The following CALM3 variants were observed in gnomAD, a reference collection of about 807,000 sequenced individuals.
CALM3 encodes calmodulin-3.
CALM3 carries 5 observed loss-of-function variants against 20.1 expected under a neutral mutation model. The observed-to-expected ratio is 0.25, with a 90% CI of 0.13 to 0.52. The LOEUF (loss-of-function observed/expected upper bound fraction) is 0.52, where lower values mean the gene tolerates loss of function less well. Among genes scored for constraint, CALM3 ranks in the 20% least tolerant of loss-of-function variants. The pLI, the probability that CALM3 is intolerant of heterozygous loss-of-function variation, is 0.96. For missense variants in CALM3, 57 were observed against 192.8 expected (o/e 0.30, Z 4.17); for synonymous variants, 69 against 68.1 (o/e 1.01, Z -0.06).
At chr19:46,601,155 C>T (rs1204903046), upstream of CALM3, 20 of 590,704 alleles carry the variant, frequency 3.4e-5, no homozygotes, top group South Asian at 1.3e-4. This position sits in a 1 kb window ranked among gnomAD's most constrained non-coding sequence, Gnocchi z 4.2. Flanking sequence ...AGGGTGGGGA[C>T]GAGAGATTCG....
rs897608622 is a variant in CALM3, at chr19:46,601,944, C to T, written c.3+507C>T. 3.4e-5 allele frequency: 13 copies of T among 383,314 alleles called. No homozygotes were observed. Among genetic ancestry groups the T allele is most frequent in the Middle Eastern group, 1.0e-3 (1 of 1,004 alleles). 23.7% of individuals were successfully genotyped at this position (383,314 alleles called of 1,614,324 possible). ...TGGGGTGGTGGAGGGTAGCTGGGCC[C>T]GGGCGGGGAGGGGCGACCCCTGGGC... On this transcript the variant is annotated intron_variant, in intron 1 of 5. Transcript: ENST00000291295. This position sits in a 1 kb window ranked among gnomAD's most constrained non-coding sequence, Gnocchi z 4.2.
chr19:46,604,022 G>A (rs1216378527), intron 1 of CALM3, among the ~76,000 whole-genome samples: 1 of 152,254 alleles, frequency 6.6e-6, no homozygotes, highest in East Asian at 1.9e-4. Flanking sequence ...GGGCGGAACA[G>A]TGGGCTGGGA....
rs879785123 is a variant in CALM3 at position 46,609,355 on chromosome 19, C to G, written c.*202C>G. The G allele has an allele frequency of 1.3e-5, 8 of 622,298 alleles. No homozygotes were observed. The highest frequency in any genetic ancestry group is 3.9e-5 in the South Asian group (2 of 51,428). The allele number at this position is 622,298 out of a possible 1,614,324, so 38.5% of individuals were successfully genotyped here. Reference sequence around the variant, plus strand: ...CTTCCCTGAGTCTCTCTCCATGCCCCTCATCTCTTCCTTTTGCCCTCGCCT... The same window carrying G: ...CTTCCCTGAGTCTCTCTCCATGCCCGTCATCTCTTCCTTTTGCCCTCGCCT... On this transcript the variant is annotated 3_prime_UTR_variant, in exon 6 of 6. Coordinates refer to ENST00000291295, the MANE Select transcript of CALM3 (RefSeq NM_005184.4).
rs1971796840 is a variant in CALM3, at chr19:46,608,647, C to T, written c.285+59C>T. On this transcript the variant is annotated intron_variant, in intron 4 of 5. Transcript: ENST00000291295. The surrounding 1 kb of genome is among the most constrained non-coding windows in gnomAD (Gnocchi z 5.5). ...TGACGCCAGCCTTCAGGCAGACAGG[C>T]GGAACTGGAGCCACGGAGCTACCAC... 1.5e-5 allele frequency: 22 copies of T among 1,451,168 alleles called. No homozygotes were observed. Among genetic ancestry groups the T allele is most frequent in the East Asian group, 6.9e-5 (3 of 43,452 alleles). The allele number at this position is 1,451,168 out of a possible 1,614,324, so 89.9% of individuals were successfully genotyped here. A position where few individuals can be genotyped will look rare whatever the true frequency, so the allele number is the denominator to read the frequency against.
In CALM3 at chr19:46,605,869, A is replaced by G. The variant is rs747374745; in HGVS notation, c.34+12A>G. 6.2e-7 allele frequency: 1 copy of G among 1,613,476 alleles called. No homozygotes were observed. The highest frequency in any genetic ancestry group is 8.5e-7 in the Non-Finnish European group (1 of 1,179,388). On this transcript the variant is annotated intron_variant, in intron 2 of 5. Transcript: ENST00000291295. This position sits in a 1 kb window ranked among gnomAD's most constrained non-coding sequence, Gnocchi z 4.1. ...GGAGCAGATTGCAGGTGAGTCTGCT[A>G]TCCCCCTCATCTTAGCTCAGGAAAG...
rs1218876446 is a variant in CALM3, at chr19:46,608,460, C to T, written c.179-22C>T. The T allele has an allele frequency of 1.2e-6, 2 of 1,611,130 alleles. No individual in the cohort carries two copies. Among genetic ancestry groups the T allele is most frequent in the Non-Finnish European group, 8.5e-7 (1 of 1,177,238 alleles). On this transcript the variant is annotated intron_variant, in intron 3 of 5. Transcript: ENST00000291295. This position sits in a 1 kb window ranked among gnomAD's most constrained non-coding sequence, Gnocchi z 5.5. ...TCAGGGCCCAGGCCAAGAGCATTCT[C>T]CATCCTTTCCCCACCTTCCAGGGAA...
rs1971624080 is a variant in CALM3 at position 46,601,826 on chromosome 19, T to TG, written c.3+393dup. ...AGGGGACGAAATAAGAAAGATGGGCTGGGGAGGGGAGCTATTCGGGCCCTG... is the reference window on the plus strand; with the variant it reads ...AGGGGACGAAATAAGAAAGATGGGCTGGGGGAGGGGAGCTATTCGGGCCCTG... On this transcript the variant is annotated intron_variant, in intron 1 of 5. Transcript: ENST00000291295. The surrounding 1 kb of genome is among the most constrained non-coding windows in gnomAD (Gnocchi z 4.2). Among the ~76,000 whole-genome samples the TG allele has an allele frequency of 6.6e-6, 1 of 150,910 alleles. No homozygotes were observed.
intron 2 of CALM3, chr19:46,607,982 T>G: frequency 1.8e-6 from 1 of 544,182 alleles, no homozygotes; most frequent in Non-Finnish European, 3.3e-6. Context: ...CCTAGCACAG[T>G]GTTGATGTTC....
At chr19:46,603,261 A>C (rs1026307749) in intron 1 of CALM3, among the ~76,000 whole-genome samples, 18 of 152,334 alleles carry the variant, frequency 1.2e-4, no homozygotes, top group Non-Finnish European at 2.1e-4. Flanking sequence ...ACCTGGCTAA[A>C]AGGGGCCCTG....
chr19:46,607,505 T>A (rs1052229343), intron 2 of CALM3, among the ~76,000 whole-genome samples: 1 of 152,206 alleles, frequency 6.6e-6, no homozygotes, highest in South Asian at 2.1e-4. Flanking sequence ...CGGCCCCAGC[T>A]GTGGCCTTCC....
Position 46,601,570 on chromosome 19 carries a change from C to T in CALM3, c.3+133C>T, listed in dbSNP as rs1486559658. 4.6e-6 allele frequency: 4 copies of T among 865,920 alleles called. No homozygotes were observed. Among genetic ancestry groups the T allele is most frequent in the Non-Finnish European group, 6.4e-6 (4 of 627,080 alleles). 53.6% of individuals were successfully genotyped at this position (865,920 alleles called of 1,614,324 possible). Reference sequence around the variant, plus strand: ...GCGAGAGCCTCGGGACCCTTTTCTACCCGCGTTGTCGGGGGCTGTTGAACC... The same window carrying T: ...GCGAGAGCCTCGGGACCCTTTTCTATCCGCGTTGTCGGGGGCTGTTGAACC... On this transcript the variant is annotated intron_variant, in intron 1 of 5. Coordinates refer to ENST00000291295, the MANE Select transcript of CALM3 (RefSeq NM_005184.4). The surrounding 1 kb of genome is among the most constrained non-coding windows in gnomAD (Gnocchi z 4.2).
chr19:46,604,073 G>A (rs947413423), intron 1 of CALM3, among the ~76,000 whole-genome samples: 3 of 152,190 alleles, frequency 2.0e-5, no homozygotes, highest in African/African-American at 7.2e-5. Context: ...TAGGCCAGGG[G>A]AAAGAATGAA....
intron 1 of CALM3, chr19:46,602,032 G>C (rs1971631171): frequency 8.5e-7 from 1 of 1,174,750 alleles, no homozygotes; most frequent in Non-Finnish European, 1.1e-6. Flanking sequence ...GACTCCCGAG[G>C]GTGGGGGAGG....
chr19:46,609,203 C>T lies in CALM3; in HGVS notation c.*50C>T, dbSNP rs371492420. On this transcript the variant is annotated 3_prime_UTR_variant, in exon 6 of 6. Coordinates refer to ENST00000291295, the MANE Select transcript of CALM3 (RefSeq NM_005184.4). ...CCCGTTCTCTTGATCTCTCTCTTCT[C>T]GCGCGCGCACTCTCTCTTCAACACT... 44 of 1,575,030 alleles carry T rather than the reference C, an allele frequency of 2.8e-5. No individual in the cohort carries two copies. The highest frequency in any genetic ancestry group is 6.8e-5 in the Admixed American group (4 of 58,558).
chr19:46,601,286 C>T (rs541412527), upstream of CALM3: 5 of 626,894 alleles, frequency 8.0e-6, no homozygotes, highest in East Asian at 5.4e-5. This position sits in a 1 kb window ranked among gnomAD's most constrained non-coding sequence, Gnocchi z 4.2. Context: ...GTTGAGGGAC[C>T]GTTGGGGCGG....
At chr19:46,606,902 C>G (rs530111307) in intron 2 of CALM3, among the ~76,000 whole-genome samples, 3 of 152,168 alleles carry the variant, frequency 2.0e-5, no homozygotes, top group Admixed American at 6.5e-5. Flanking sequence ...CTACCCAGCC[C>G]CCAGCTCTGC....
chr19:46,602,225 C>T (rs1266955555), intron 1 of CALM3: 3 of 1,350,090 alleles, frequency 2.2e-6, no homozygotes, highest in Non-Finnish European at 2.0e-6. Flanking sequence ...GAGTGGGGCT[C>T]GCCAGTAGTC....
At chr19:46,603,920 C>T (rs1374833386) in intron 1 of CALM3, among the ~76,000 whole-genome samples, 3 of 152,170 alleles carry the variant, frequency 2.0e-5, no homozygotes, top group Admixed American at 6.6e-5. Flanking sequence ...CAGAGCCGCT[C>T]GGGGCAGTCT....
In CALM3 at chr19:46,609,232, C is replaced by T; in HGVS notation, c.*79C>T. On this transcript the variant is annotated 3_prime_UTR_variant, in exon 6 of 6. Coordinates refer to ENST00000291295, the MANE Select transcript of CALM3 (RefSeq NM_005184.4). ...CGCGCACTCTCTCTTCAACACTCCC[C>T]TGCGTACCCCGGTTCTAGCAAACAC... 9.2e-6 allele frequency: 12 copies of T among 1,302,864 alleles called. No individual in the cohort carries two copies. Among genetic ancestry groups the T allele is most frequent in the Non-Finnish European group, 1.2e-5 (11 of 911,744 alleles). The allele number at this position is 1,302,864 out of a possible 1,614,324, so 80.7% of individuals were successfully genotyped here.
Sources: allele counts gnomAD v4.1 joint callset (sites outside exome capture counted in the v4.1 genomes callset), GRCh38; gene constraint gnomAD v4.1.1; non-coding constraint Gnocchi (gnomAD v3.1); transcripts MANE v1.5; gene names NCBI Gene and HGNC (gene_info 2026-07-23, HGNC 2026-07-21).